The following SETD9 variants were observed in gnomAD, a reference collection of about 807,000 sequenced individuals.
SETD9 encodes SET domain-containing protein 9.
SETD9 carries 37 observed loss-of-function variants against 36.4 expected under a neutral mutation model. That is an observed-to-expected ratio of 1.02 (90% CI 0.78 to 1.34). SETD9 has a LOEUF of 1.34. Among genes scored for constraint, SETD9 ranks in the 40% most tolerant of loss-of-function variants. The probability of loss-of-function intolerance (pLI) is 0.00; values close to 1 mark genes in which losing one functional copy is unlikely to be tolerated. For missense variants in SETD9, 323 were observed against 353.2 expected (o/e 0.91, Z 0.69); for synonymous variants, 128 against 132.9 (o/e 0.96, Z 0.26).
upstream of SETD9, chr5:56,909,534 G>C: frequency 2.7e-6 from 2 of 739,418 alleles, no homozygotes; most frequent in Non-Finnish European, 4.2e-6. Flanking sequence ...ACTGAGAGCG[G>C]AGCCAGGGGA....
At chr5:56,913,348 C>A (rs1749251893) in intron 3 of SETD9, among the ~76,000 whole-genome samples, 1 of 152,016 alleles carries the variant, frequency 6.6e-6, no homozygotes, top group South Asian at 2.1e-4. Context: ...GCCACCACAC[C>A]CAGCTCAGCA....
At chr5:56,915,068 A>T (rs1749359512) in intron 5 of SETD9, 102 bp downstream of exon 5, 1 of 712,738 alleles carries the variant, frequency 1.4e-6, no homozygotes, top group Non-Finnish European at 2.1e-6. Context: ...TTTTTTTTTT[A>T]GTGAAAAATT....
At chr5:56,925,736 G>T (rs919444215), downstream of SETD9, among the ~76,000 whole-genome samples, 1 of 152,024 alleles carries the variant, frequency 6.6e-6, no homozygotes, top group Non-Finnish European at 1.5e-5. Context: ...GTTATTTTGT[G>T]GGTATCAACA....
Position 56,917,274 on chromosome 5 carries a change from T to C in SETD9, c.*372T>C, listed in dbSNP as rs1285152327. On this transcript the variant is annotated 3_prime_UTR_variant, in exon 6 of 6. Transcript: ENST00000285947. Reference sequence around the variant, plus strand: ...TCAGCAGTTCTTGTAGTACTGCTGATGTGTACAAACTTCTGTAAAAACTTT... The same window carrying C: ...TCAGCAGTTCTTGTAGTACTGCTGACGTGTACAAACTTCTGTAAAAACTTT... The C allele has an allele frequency of 4.5e-5, 46 of 1,024,246 alleles. No individual in the cohort carries two copies. The highest frequency in any genetic ancestry group is 5.4e-5 in the Non-Finnish European group (46 of 856,696). 63.4% of individuals were successfully genotyped at this position (1,024,246 alleles called of 1,614,324 possible).
intron 5 of SETD9, chr5:56,924,139 C>G: frequency 8.4e-7 from 1 of 1,189,966 alleles, no homozygotes; most frequent in African/African-American, 1.5e-5. Flanking sequence ...ATCCATGGGT[C>G]TTATTTTCCC....
intron 5 of SETD9, among the ~76,000 whole-genome samples, chr5:56,915,776 C>T (rs1021183356): frequency 5.3e-5 from 8 of 151,834 alleles, no homozygotes; most frequent in Non-Finnish European, 8.8e-5. Context: ...CCAGCCCAGA[C>T]AACATGACAA....
chr5:56,913,903 CT>C lies in SETD9; in HGVS notation c.623del (p.Leu208Ter). On this transcript the variant is annotated frameshift_variant, in exon 4 of 6. Transcript: ENST00000285947. LOFTEE classifies it high-confidence loss of function. ...RSCNGRDRLG[P>X]LKMSDSTWLT... Reference sequence around the variant, plus strand: ...TGCAATGGGAGGGATCGACTCGGCCCTTTAAAAATGAGTGATAGTACATGGC... The same window carrying C: ...TGCAATGGGAGGGATCGACTCGGCCCTTAAAAATGAGTGATAGTACATGGC... The C allele has an allele frequency of 6.2e-7, 1 of 1,613,556 alleles. No individual in the cohort carries two copies. The highest frequency in any genetic ancestry group is 8.5e-7 in the Non-Finnish European group (1 of 1,179,598).
At chr5:56,911,619 A>G (rs1223500637) in intron 2 of SETD9, 83 bp downstream of exon 2, 12 of 1,383,424 alleles carry the variant, frequency 8.7e-6, no homozygotes, top group South Asian at 1.7e-5. Context: ...CAGCCTTGCA[A>G]TCCTTAGAGT....
chr5:56,922,422 T>C (rs1021026796), intron 5 of SETD9: 1 of 152,596 alleles, frequency 6.6e-6, no homozygotes, highest in African/African-American at 2.4e-5. Context: ...GTAGCCCTGG[T>C]CTAGAATTTT....
chr5:56,920,573 A>G (rs1749624279), downstream of SETD9: 1 of 152,566 alleles, frequency 6.6e-6, no homozygotes, highest in South Asian at 2.1e-4. Flanking sequence ...TCCAAATGCA[A>G]TTCTTTTAAT....
intron 5 of SETD9, among the ~76,000 whole-genome samples, chr5:56,915,279 C>T (rs1316171981): frequency 6.6e-6 from 1 of 152,038 alleles, no homozygotes; most frequent in Non-Finnish European, 1.5e-5. Flanking sequence ...TATATCTTTA[C>T]TTTAATCATT....
chr5:56,928,623 A>T (rs142181482), downstream of SETD9: 7 of 541,498 alleles, frequency 1.3e-5, no homozygotes, highest in Admixed American at 2.5e-4. Flanking sequence ...ATCTCTGAGC[A>T]AATTAGTCAT....
rs796567347 is a variant in SETD9, at chr5:56,912,163, GA to G, written c.466+638del. 5.7e-3 allele frequency: 4,044 copies of G among 709,158 alleles called. 6 individuals are homozygous for G. The highest frequency in any genetic ancestry group is 0.017 in the African/African-American group (796 of 48,178). 43.9% of individuals were successfully genotyped at this position (709,158 alleles called of 1,614,324 possible). On this transcript the variant is annotated intron_variant, in intron 2 of 5. Transcript: ENST00000285947. ...GTGCTAGGCTCCATCTCAAAAAAAA[GA>G]AAAAAAAAAAGCGTACGGATCAAAA...
Position 56,916,996 on chromosome 5 carries a change from A to G in SETD9, c.*94A>G, listed in dbSNP as rs1268857081. On this transcript the variant is annotated 3_prime_UTR_variant, in exon 6 of 6. Transcript: ENST00000285947. The stretch of plus-strand genomic sequence containing the variant: ...TCTCTGAGTTCTACCTGTAAAACAA[A>G]TATTTTGAGACTTAATTGGAATAGG... 15 of 1,399,238 alleles carry G rather than the reference A, an allele frequency of 1.1e-5. No homozygotes were observed. The Admixed American group carries it at 3.5e-4, about 33-fold the overall frequency. 86.7% of individuals were successfully genotyped at this position (1,399,238 alleles called of 1,614,324 possible). A position where few individuals can be genotyped will look rare whatever the true frequency, so the allele number is the denominator to read the frequency against.
downstream of SETD9, chr5:56,928,687 T>A (rs1750123755): frequency 1.0e-6 from 1 of 990,950 alleles, no homozygotes; most frequent in African/African-American, 1.6e-5. Flanking sequence ...TGTTCTTTTT[T>A]CCTACTTAAG....
downstream of SETD9, chr5:56,928,581 T>C (rs573969152): frequency 5.7e-5 from 26 of 455,718 alleles, no homozygotes; most frequent in East Asian, 8.7e-4. Context: ...TATGTGAATA[T>C]ACTATCAGCC....
rs74837424 is a variant in SETD9, at chr5:56,916,788, A to G, written c.813-27A>G. ...ATGAGCTTATATTTGTTAATGCTCTACCTTTTGTATATCTTTTTGTTTTCA... is the reference window on the plus strand; with the variant it reads ...ATGAGCTTATATTTGTTAATGCTCTGCCTTTTGTATATCTTTTTGTTTTCA... On this transcript the variant is annotated intron_variant, in intron 5 of 5. Coordinates refer to ENST00000285947, the MANE Select transcript of SETD9 (RefSeq NM_153706.4). The G allele has an allele frequency of 1.3e-3, 2,049 of 1,595,540 alleles. 30 individuals are homozygous for G. The African/African-American group carries it at 0.026, about 20-fold the overall frequency.
intron 5 of SETD9, chr5:56,923,793 C>T: frequency 1.2e-6 from 2 of 1,614,136 alleles, no homozygotes; most frequent in Non-Finnish European, 1.7e-6. Flanking sequence ...ACCGTCCCAC[C>T]CAAAGCTTCT....
chr5:56,923,930 T>C, intron 5 of SETD9: 1 of 1,614,134 alleles, frequency 6.2e-7, no homozygotes, highest in South Asian at 1.1e-5. Flanking sequence ...TCCAGGGTGA[T>C]GGTTATATCT....
Sources: gnomAD v4.1 joint callset for allele counts (sites outside exome capture counted in the v4.1 genomes callset) on GRCh38, gnomAD v4.1.1 for gene constraint, MANE v1.5 for transcripts, NCBI Gene and HGNC (gene_info 2026-07-23, HGNC 2026-07-21) for gene names.